KATNA1: variants seen among roughly 807,000 people sequenced by gnomAD.
KATNA1 encodes katanin catalytic subunit A1.
In KATNA1, 42 loss-of-function variants were observed where a neutral mutation model predicts 62.6. That is an observed-to-expected ratio of 0.67 (90% CI 0.52 to 0.87). The LOEUF (loss-of-function observed/expected upper bound fraction) is 0.87. KATNA1 is among the 40% of genes least tolerant of loss of function. The pLI, the probability that KATNA1 is intolerant of heterozygous loss-of-function variation, is 0.00. For missense variants in KATNA1, 498 were observed against 612.5 expected (o/e 0.81, Z 1.97); for synonymous variants, 186 against 201.9 (o/e 0.92, Z 0.67).
intron 2 of KATNA1, among the ~76,000 whole-genome samples, chr6:149,634,263 A>C (rs1562299465): frequency 6.6e-6 from 1 of 150,392 alleles, no homozygotes; most frequent in Non-Finnish European, 1.5e-5. Context: ...ACAGAGCAAG[A>C]CTCCATCTCA....
At chr6:149,617,492 T>A (rs899633995) in intron 4 of KATNA1, among the ~76,000 whole-genome samples, 1 of 152,156 alleles carries the variant, frequency 6.6e-6, no homozygotes, top group African/African-American at 2.4e-5. Flanking sequence ...GACATATATA[T>A]GACATGTGCT....
At chr6:149,596,408 G>A (rs906923250) in intron 10 of KATNA1, among the ~76,000 whole-genome samples, 15 of 152,284 alleles carry the variant, frequency 9.9e-5, no homozygotes, top group African/African-American at 3.1e-4. Flanking sequence ...GGTGGTGCAT[G>A]CCTGTAATCC....
chr6:149,634,750 T>C (rs1780003045), intron 2 of KATNA1, among the ~76,000 whole-genome samples: 1 of 152,192 alleles, frequency 6.6e-6, no homozygotes, highest in South Asian at 2.1e-4. Flanking sequence ...GATCATTAGA[T>C]ATTGTATACA....
chr6:149,641,485 G>GT lies in KATNA1; in HGVS notation c.-13-2926dup, dbSNP rs199825961. On this transcript the variant is annotated intron_variant, in intron 1 of 10. Coordinates refer to ENST00000367411, the MANE Select transcript of KATNA1 (RefSeq NM_007044.4). ...GCCACAGCGCCTGGCCTGCCTTGGGGTTTTTTTTTAACCAAACTTCTAAAC... is the reference window on the plus strand; with the variant it reads ...GCCACAGCGCCTGGCCTGCCTTGGGGTTTTTTTTTTAACCAAACTTCTAAAC... Among the ~76,000 whole-genome samples, 341 of 151,146 alleles carry GT rather than the reference G, an allele frequency of 2.3e-3. 3 individuals are homozygous for GT. Among genetic ancestry groups the GT allele is most frequent in the African/African-American group, 7.8e-3 (321 of 41,232 alleles).
intron 1 of KATNA1, among the ~76,000 whole-genome samples, chr6:149,639,564 A>C (rs960037409): frequency 6.6e-6 from 1 of 152,152 alleles, no homozygotes; most frequent in Non-Finnish European, 1.5e-5. Context: ...GCACCACAGC[A>C]CTCCAGCCTG....
chr6:149,594,997 A>G lies in KATNA1; in HGVS notation c.*39T>C. 6.6e-7 allele frequency: 1 copy of G among 1,506,944 alleles called. No homozygotes were observed. Among genetic ancestry groups the G allele is most frequent in the Non-Finnish European group, 9.2e-7 (1 of 1,086,738 alleles). 93.3% of individuals were successfully genotyped at this position (1,506,944 alleles called of 1,614,324 possible). On this transcript the variant is annotated 3_prime_UTR_variant, in exon 11 of 11. Transcript: ENST00000367411. ...ATGAATTACTGCATTTAATATTCAA[A>G]CACTTAAGGCACATTTCTCACAGTT...
intron 9 of KATNA1, 83 bp downstream of exon 9, chr6:149,597,424 T>A (rs1187897160): frequency 3.3e-6 from 5 of 1,521,168 alleles, no homozygotes; most frequent in Non-Finnish European, 4.5e-6. Flanking sequence ...TTCCAGAAAG[T>A]TAGTTAATAA....
rs770883758 is a variant in KATNA1 at position 149,597,531 on chromosome 6, G to A, written c.1126C>T (p.Arg376Ter). 32 of 1,613,898 alleles carry A rather than the reference G, an allele frequency of 2.0e-5. No individual in the cohort carries two copies. Among genetic ancestry groups the A allele is most frequent in the African/African-American group, 4.0e-5 (3 of 74,930 alleles). The change falls in exon 9 of 11, where the codon CGA (arginine) becomes TGA (stop). Residue 376 changes from arginine (R) to a stop codon, truncating the protein, a stop_gained. Transcript: ENST00000367411. LOFTEE classifies it high-confidence loss of function. ...DEALRRRLEK[R>*]IYIPLPSAKG... ...CCTGACGGCAAAGGAATATAGATTC[G>A]TTTCTCAAGGCGTCGTCTTAAAGCC...
chr6:149,610,871 G>A (rs1043240086), intron 4 of KATNA1, among the ~76,000 whole-genome samples: 1 of 152,094 alleles, frequency 6.6e-6, no homozygotes, highest in African/African-American at 2.4e-5. Context: ...GATCACCTGA[G>A]GTCAGGAATT....
intron 4 of KATNA1, among the ~76,000 whole-genome samples, chr6:149,620,964 T>C (rs779870859): frequency 1.3e-5 from 2 of 152,100 alleles, no homozygotes; most frequent in African/African-American, 2.4e-5. Context: ...AGATGAGATA[T>C]TGATGAGAAA....
In KATNA1 at chr6:149,604,688, A is replaced by AT; in HGVS notation, c.595dup (p.Ile199AsnfsTer12). On this transcript the variant is annotated frameshift_variant, in exon 5 of 11. Coordinates refer to ENST00000367411, the MANE Select transcript of KATNA1 (RefSeq NM_007044.4). LOFTEE classifies it high-confidence loss of function. ...TCGAACATTGGGATTCTGGGAAATT[A>AT]TATCTCTTTCCAAAGCTTCTACTAA... The AT allele has an allele frequency of 1.2e-6, 2 of 1,613,422 alleles. No individual in the cohort carries two copies. The highest frequency in any genetic ancestry group is 1.7e-6 in the Non-Finnish European group (2 of 1,179,368).
At chr6:149,643,187 C>G (rs1458809509) in intron 1 of KATNA1, among the ~76,000 whole-genome samples, 2 of 152,194 alleles carry the variant, frequency 1.3e-5, no homozygotes, top group Non-Finnish European at 2.9e-5. Flanking sequence ...GTCCACCAGC[C>G]CCTGAGGAAC....
At chr6:149,626,579 G>A (rs2114587864) in intron 3 of KATNA1, among the ~76,000 whole-genome samples, 1 of 151,532 alleles carries the variant, frequency 6.6e-6, no homozygotes, top group Non-Finnish European at 1.5e-5. Context: ...ACCGCGCCCG[G>A]CCAACATTTA....
intron 4 of KATNA1, among the ~76,000 whole-genome samples, chr6:149,614,276 C>T (rs1248558303): frequency 6.6e-6 from 1 of 152,190 alleles, no homozygotes; most frequent in Non-Finnish European, 1.5e-5. Context: ...TCTGACCTTG[C>T]AGTCACAGGG....
At chr6:149,648,241 C>T (rs1780562813) in intron 1 of KATNA1, among the ~76,000 whole-genome samples, 1 of 152,150 alleles carries the variant, frequency 6.6e-6, no homozygotes, top group South Asian at 2.1e-4. Flanking sequence ...ATGGGATCGA[C>T]AGGAGCCCCC....
Position 149,622,878 on chromosome 6 carries a change from G to T in KATNA1, c.501+225C>A, listed in dbSNP as rs552448277. Among the ~76,000 whole-genome samples, 3 of 151,884 alleles carry T rather than the reference G, an allele frequency of 2.0e-5. No homozygotes were observed. The East Asian group carries it at 5.8e-4, about 29-fold the overall frequency. On this transcript the variant is annotated intron_variant, in intron 4 of 10. Coordinates refer to ENST00000367411, the MANE Select transcript of KATNA1 (RefSeq NM_007044.4). ...TACAAAATTAGCTCGATGTGGTGGC[G>T]CCCACTTGTAATCCCTGCCACTCGG...
chr6:149,619,151 A>G (rs1361178729), intron 4 of KATNA1, among the ~76,000 whole-genome samples: 2 of 152,192 alleles, frequency 1.3e-5, no homozygotes, highest in African/African-American at 4.8e-5. Flanking sequence ...AAATAATCCA[A>G]TTAAAAAATG....
Position 149,604,675 on chromosome 6 carries a change from A to G in KATNA1, c.609T>C (p.Asn203=). The change falls in exon 5 of 11, where the codon AAT becomes AAC. Residue 203 remains asparagine (N), a synonymous_variant. Transcript: ENST00000367411. Reference sequence around the variant, plus strand: ...ATATAACTTACCATCGAACATTGGGATTCTGGGAAATTATATCTCTTTCCA... The same window carrying G: ...ATATAACTTACCATCGAACATTGGGGTTCTGGGAAATTATATCTCTTTCCA... ...EALERDIISQ[N]PNVRWDDIAD... 1 of 1,613,618 alleles carries G rather than the reference A, an allele frequency of 6.2e-7. No individual in the cohort carries two copies. Among genetic ancestry groups the G allele is most frequent in the Non-Finnish European group, 8.5e-7 (1 of 1,179,592 alleles).
rs975828910 is a variant in KATNA1 at position 149,620,653 on chromosome 6, T to C, written c.501+2450A>G. Among the ~76,000 whole-genome samples, 5 of 152,170 alleles carry C rather than the reference T, an allele frequency of 3.3e-5. No homozygotes were observed. The East Asian group carries it at 9.6e-4, about 29-fold the overall frequency. On this transcript the variant is annotated intron_variant, in intron 4 of 10. Transcript: ENST00000367411. Reference sequence around the variant, plus strand: ...TTTCAAATAACTAGAAGAACAGATTTTGAATATTCCCAACACAAAGAAATG... The same window carrying C: ...TTTCAAATAACTAGAAGAACAGATTCTGAATATTCCCAACACAAAGAAATG...
Sources: allele counts gnomAD v4.1 joint callset (sites outside exome capture counted in the v4.1 genomes callset), GRCh38; gene constraint gnomAD v4.1.1; transcripts MANE v1.5; gene names NCBI Gene and HGNC (gene_info 2026-07-23, HGNC 2026-07-21).